Variants in NFATC1 observed in about 807,000 individuals in gnomAD.
NFATC1 encodes the protein nuclear factor of activated T cells 1, also known as nuclear factor of activated T-cells, cytoplasmic 1.
In NFATC1, 22 loss-of-function variants were observed where a neutral mutation model predicts 76.0. The observed-to-expected ratio is 0.29, with a 90% confidence interval of 0.21 to 0.41. The LOEUF is 0.41. Among genes scored for constraint, NFATC1 ranks in the 10% least tolerant of loss-of-function variants. The pLI is 1.00. For synonymous variants in NFATC1, 704 were observed against 613.1 expected (o/e 1.15, Z -2.19); for missense variants, 1,357 against 1,337.7 (o/e 1.01, Z -0.23).
chr18:79,434,129 A>G (rs925582129), intron 3 of NFATC1, among the ~76,000 whole-genome samples: 3 of 152,224 alleles, frequency 2.0e-5, no homozygotes, highest in Admixed American at 6.5e-5. Flanking sequence ...TGGCCCACCC[A>G]GGCTTGCAGG....
chr18:79,494,999 G>A (rs533538764), intron 9 of NFATC1, among the ~76,000 whole-genome samples: 118 of 152,304 alleles, frequency 7.7e-4, no homozygotes, highest in Non-Finnish European at 1.4e-3. Context: ...AACCTGGTGC[G>A]GCCGGGTGAG....
chr18:79,438,892 A>G (rs1390759640), intron 3 of NFATC1, among the ~76,000 whole-genome samples: 1 of 152,186 alleles, frequency 6.6e-6, no homozygotes, highest in Admixed American at 6.5e-5. Flanking sequence ...CTTTGCCTCC[A>G]CAGATCCGTA....
intron 3 of NFATC1, among the ~76,000 whole-genome samples, chr18:79,440,774 A>T (rs1350149115): frequency 1.3e-5 from 2 of 152,240 alleles, no homozygotes; most frequent in Non-Finnish European, 2.9e-5. Context: ...TCTCTGTGTC[A>T]GTGCCGGTTC....
intron 9 of NFATC1, among the ~76,000 whole-genome samples, chr18:79,520,536 G>T (rs571001038): frequency 1.1e-4 from 16 of 150,846 alleles, no homozygotes; most frequent in Non-Finnish European, 2.4e-4. Context: ...GTGTGTGGGG[G>T]GGGGAGGGTG....
chr18:79,470,070 C>G, intron 8 of NFATC1: 12 of 950,234 alleles, frequency 1.3e-5, no homozygotes, highest in Non-Finnish European at 1.5e-5. Flanking sequence ...CCTCTGCAAC[C>G]CCGGCTGGGT....
At chr18:79,425,413 C>G (rs539937962) in intron 2 of NFATC1, among the ~76,000 whole-genome samples, 7 of 152,374 alleles carry the variant, frequency 4.6e-5, no homozygotes, top group African/African-American at 1.7e-4. Context: ...CCTCCTGAAG[C>G]TGCTCCTGTG....
At chr18:79,434,823 G>A (rs1436275551) in intron 3 of NFATC1, among the ~76,000 whole-genome samples, 3 of 152,264 alleles carry the variant, frequency 2.0e-5, no homozygotes, top group African/African-American at 4.8e-5. Flanking sequence ...CGGGCAGGGC[G>A]CTGGGGTGAG....
intron 9 of NFATC1, among the ~76,000 whole-genome samples, chr18:79,487,363 A>G (rs1398728745): frequency 1.3e-5 from 2 of 152,164 alleles, no homozygotes; most frequent in African/African-American, 2.4e-5. Context: ...GTTTGTAGAC[A>G]ACAGCTTAGC....
At chr18:79,418,159 C>T (rs1316274976) in intron 2 of NFATC1, among the ~76,000 whole-genome samples, 1 of 152,136 alleles carries the variant, frequency 6.6e-6, no homozygotes, top group Non-Finnish European at 1.5e-5. Flanking sequence ...TTGATGGAGA[C>T]TGTGGGGGTC....
chr18:79,514,139 A>G lies in NFATC1; in HGVS notation c.2783-13389A>G, dbSNP rs55734463. On this transcript the variant is annotated intron_variant, in intron 9 of 9. Coordinates refer to ENST00000427363, the MANE Select transcript of NFATC1 (RefSeq NM_001278669.2). ...TTCCCATCTAGTTGTCATTGCTGAG[A>G]TGTTTAAAAATCACACCCTCAGCCA... Among the ~76,000 whole-genome samples, 951 of 152,154 alleles carry G rather than the reference A, an allele frequency of 6.3e-3. 12 individuals carry two copies. Among genetic ancestry groups the G allele is most frequent in the African/African-American group, 0.021 (859 of 41,522 alleles).
intron 6 of NFATC1, among the ~76,000 whole-genome samples, chr18:79,453,892 C>A (rs561661556): frequency 6.6e-6 from 1 of 152,262 alleles, no homozygotes; most frequent in East Asian, 1.9e-4. Flanking sequence ...CCACTTCCGG[C>A]TTCTCAGGCG....
At chr18:79,514,639 G>T (rs1274012698) in intron 9 of NFATC1, among the ~76,000 whole-genome samples, 1 of 150,844 alleles carries the variant, frequency 6.6e-6, no homozygotes, top group Non-Finnish European at 1.5e-5. Flanking sequence ...TCCGAAGCAG[G>T]TGTCTTTTTT....
At chr18:79,409,497 C>T (rs1377278779) in intron 1 of NFATC1, among the ~76,000 whole-genome samples, 3 of 151,878 alleles carry the variant, frequency 2.0e-5, no homozygotes, top group African/African-American at 7.3e-5. Context: ...CATCATTCAT[C>T]CATCCATCCG....
chr18:79,396,465 T>A, intron 1 of NFATC1, 114 bp downstream of exon 1: 1 of 581,106 alleles, frequency 1.7e-6, no homozygotes, highest in Non-Finnish European at 2.3e-6. Flanking sequence ...GAGAACGAGG[T>A]CGGCCGGGTC....
At chr18:79,471,255 G>A (rs188273214) in intron 8 of NFATC1, among the ~76,000 whole-genome samples, 3 of 152,242 alleles carry the variant, frequency 2.0e-5, no homozygotes, top group Admixed American at 6.5e-5. Context: ...GGAGAGAGGC[G>A]AACCTGGAAC....
chr18:79,413,080 T>G (rs1056804016), intron 2 of NFATC1, among the ~76,000 whole-genome samples: 4 of 152,228 alleles, frequency 2.6e-5, no homozygotes, highest in Admixed American at 6.5e-5. Context: ...GTAGTGGCAC[T>G]GACTCTCCAG....
intron 8 of NFATC1, chr18:79,470,656 C>G (rs1349502474): frequency 2.0e-5 from 3 of 152,184 alleles, no homozygotes; most frequent in Non-Finnish European, 4.4e-5. Flanking sequence ...ACCAGCCGCC[C>G]GCACTCCTCG....
intron 2 of NFATC1, among the ~76,000 whole-genome samples, chr18:79,431,837 G>C (rs987261804): frequency 3.9e-5 from 6 of 152,158 alleles, no homozygotes; most frequent in Admixed American, 6.5e-5. Flanking sequence ...CGAGTAGCTG[G>C]GACTACAGGC....
intron 2 of NFATC1, among the ~76,000 whole-genome samples, chr18:79,419,114 C>G (rs1178128800): frequency 6.6e-6 from 1 of 152,136 alleles, no homozygotes; most frequent in Admixed American, 6.5e-5. Context: ...GCCTCGACCT[C>G]CTGGGCTCAG....
Sources: gnomAD v4.1 joint callset for allele counts (sites outside exome capture counted in the v4.1 genomes callset) on GRCh38, gnomAD v4.1.1 for gene constraint, MANE v1.5 for transcripts, NCBI Gene and HGNC (gene_info 2026-07-23, HGNC 2026-07-21) for gene names.